RHOJ: variants seen among roughly 807,000 people sequenced by gnomAD.
RHOJ encodes the protein ras homolog family member J.
Under a neutral mutation model 23.4 loss-of-function variants are expected in RHOJ, and 11 were observed. The observed-to-expected ratio is 0.47, with a 90% confidence interval of 0.30 to 0.78. The LOEUF (loss-of-function observed/expected upper bound fraction) is 0.78. Ranked by LOEUF, RHOJ falls within the 30% of genes least tolerant of loss-of-function variation. The pLI is 0.08. For synonymous variants in RHOJ, 102 were observed against 102.7 expected (o/e 0.99, Z 0.04); for missense variants, 254 against 273.4 (o/e 0.93, Z 0.50).
At chr14:63,276,207 C>T (rs1011185305) in intron 2 of RHOJ, among the ~76,000 whole-genome samples, 1 of 126,512 alleles carries the variant, frequency 7.9e-6, no homozygotes, top group Non-Finnish European at 1.5e-5. Flanking sequence ...GCCTCAGCTT[C>T]GGTGGGGGGG....
chr14:63,277,592 T>C (rs982295311), intron 2 of RHOJ, among the ~76,000 whole-genome samples: 2 of 152,200 alleles, frequency 1.3e-5, no homozygotes, highest in Non-Finnish European at 2.9e-5. Context: ...ACGTGTTCAT[T>C]TGCAGGTCAC....
intron 4 of RHOJ, among the ~76,000 whole-genome samples, chr14:63,289,588 G>A (rs1882184595): frequency 1.3e-5 from 2 of 152,190 alleles, no homozygotes. Flanking sequence ...TCACATCATT[G>A]ACTCTTCCTG....
chr14:63,279,950 C>T (rs1444552460), intron 2 of RHOJ, among the ~76,000 whole-genome samples: 1 of 152,060 alleles, frequency 6.6e-6, no homozygotes, highest in Admixed American at 6.6e-5. Context: ...AACACAATTC[C>T]AACATGATGG....
chr14:63,255,720 G>A (rs779509515), intron 1 of RHOJ, among the ~76,000 whole-genome samples: 2 of 152,114 alleles, frequency 1.3e-5, no homozygotes, highest in Middle Eastern at 3.2e-3. Flanking sequence ...TCCTATCTCT[G>A]TTTTGGAGCC....
At chr14:63,264,567 T>C (rs2139651558) in intron 1 of RHOJ, among the ~76,000 whole-genome samples, 1 of 152,354 alleles carries the variant, frequency 6.6e-6, no homozygotes, top group East Asian at 1.9e-4. Flanking sequence ...CTAGGTCAAA[T>C]GGTAGTTTTA....
chr14:63,246,478 T>TA (rs974994264), intron 1 of RHOJ, among the ~76,000 whole-genome samples: 2 of 152,214 alleles, frequency 1.3e-5, no homozygotes, highest in African/African-American at 4.8e-5. Flanking sequence ...CTCCAACTCT[T>TA]ACCACTACTG....
At chr14:63,267,347 A>G (rs1895387219) in intron 1 of RHOJ, among the ~76,000 whole-genome samples, 1 of 152,202 alleles carries the variant, frequency 6.6e-6, no homozygotes, top group African/African-American at 2.4e-5. Flanking sequence ...GGTCAGAGCC[A>G]TTGCTTAGGA....
intron 1 of RHOJ, among the ~76,000 whole-genome samples, chr14:63,248,452 A>T (rs904632818): frequency 6.6e-6 from 1 of 152,206 alleles, no homozygotes; most frequent in Admixed American, 6.5e-5. Context: ...TATTTATTAT[A>T]GCTCTTTTCC....
At chr14:63,273,814 G>A (rs962575276) in intron 2 of RHOJ, among the ~76,000 whole-genome samples, 1 of 152,232 alleles carries the variant, frequency 6.6e-6, no homozygotes, top group Non-Finnish European at 1.5e-5. Flanking sequence ...CTGCCAGGGA[G>A]GAATGACCGT....
At chr14:63,270,892 C>T (rs1321593519) in intron 2 of RHOJ, among the ~76,000 whole-genome samples, 2 of 152,172 alleles carry the variant, frequency 1.3e-5, no homozygotes, top group Non-Finnish European at 2.9e-5. Flanking sequence ...AGTATTGCCT[C>T]CTGTGTGTTA....
chr14:63,223,578 C>T (rs1454600816), intron 1 of RHOJ, among the ~76,000 whole-genome samples: 1 of 152,030 alleles, frequency 6.6e-6, no homozygotes, highest in Non-Finnish European at 1.5e-5. Context: ...CTCATTAGTT[C>T]AGAGCTGGGA....
At chr14:63,275,216 G>C (rs1361261933) in intron 2 of RHOJ, among the ~76,000 whole-genome samples, 1 of 152,112 alleles carries the variant, frequency 6.6e-6, no homozygotes, top group East Asian at 1.9e-4. Context: ...TACTTGGGAG[G>C]CTGGAGAAAG....
intron 1 of RHOJ, among the ~76,000 whole-genome samples, chr14:63,247,709 T>C (rs1895000522): frequency 6.6e-6 from 1 of 152,248 alleles, no homozygotes; most frequent in Admixed American, 6.5e-5. Context: ...CTATTGGTTA[T>C]GTGTGAAATA....
chr14:63,230,197 A>AAAC (rs372436368), intron 1 of RHOJ, among the ~76,000 whole-genome samples: 12 of 151,888 alleles, frequency 7.9e-5, no homozygotes, highest in African/African-American at 2.9e-4. Flanking sequence ...TAAAAAAAAA[A>AAAC]ACTAGTAAGT....
intron 1 of RHOJ, among the ~76,000 whole-genome samples, chr14:63,252,267 C>G (rs1228043020): frequency 6.6e-6 from 1 of 152,120 alleles, no homozygotes; most frequent in Non-Finnish European, 1.5e-5. Flanking sequence ...ATTCTGACAT[C>G]ATCTTCTCTG....
At chr14:63,283,405 A>G (rs1226972192) in intron 4 of RHOJ, 189 bp downstream of exon 4, 5 of 585,904 alleles carry the variant, frequency 8.5e-6, no homozygotes, top group Non-Finnish European at 9.1e-6. Context: ...CCTTCTTGTC[A>G]GCCAGCATTG....
chr14:63,291,403 G>T lies in RHOJ; in HGVS notation c.*379G>T. On this transcript the variant is annotated 3_prime_UTR_variant, in exon 5 of 5. Coordinates refer to ENST00000316754, the MANE Select transcript of RHOJ (RefSeq NM_020663.5). ...AAGAAACTTGATTCCTCTATTGCTGGCCTTACTTGATGTCTTTTATAAAAC... is the reference window on the plus strand; with the variant it reads ...AAGAAACTTGATTCCTCTATTGCTGTCCTTACTTGATGTCTTTTATAAAAC... 3.5e-6 allele frequency: 1 copy of T among 289,800 alleles called. No homozygotes were observed. Among genetic ancestry groups the T allele is most frequent in the Admixed American group, 4.9e-5 (1 of 20,364 alleles). The allele number at this position is 289,800 out of a possible 1,614,324, so 18.0% of individuals were successfully genotyped here.
At chr14:63,289,842 A>T (rs1162987609) in intron 4 of RHOJ, among the ~76,000 whole-genome samples, 2 of 152,186 alleles carry the variant, frequency 1.3e-5, no homozygotes, top group East Asian at 3.8e-4. Context: ...CACTGACAGG[A>T]TGTCTCTGGC....
chr14:63,222,976 G>T (rs1396167711), intron 1 of RHOJ, among the ~76,000 whole-genome samples: 4 of 152,182 alleles, frequency 2.6e-5, no homozygotes. Flanking sequence ...ACACAAAGGA[G>T]CTAGGGAAGG....
Sources: allele counts gnomAD v4.1 joint callset (sites outside exome capture counted in the v4.1 genomes callset), GRCh38; gene constraint gnomAD v4.1.1; transcripts MANE v1.5; gene names NCBI Gene and HGNC (gene_info 2026-07-23, HGNC 2026-07-21).